ZNF891: variants seen among roughly 807,000 people sequenced by gnomAD.
The protein encoded by ZNF891 is hCG1646157.
For synonymous variants in ZNF891, 199 were observed against 209.0 expected, an observed-to-expected ratio of 0.95 and a Z score of 0.41; for missense variants, 589 against 632.7, an observed-to-expected ratio of 0.93 and a Z score of 0.74.
In ZNF891 at chr12:133,121,992, C is replaced by A. The variant is rs886406874; in HGVS notation, c.-74G>T. 1.9e-5 allele frequency: 27 copies of A among 1,419,266 alleles called. No individual in the cohort carries two copies. In the African/African-American group the frequency reaches 3.4e-4, roughly 18 times the overall value. 87.9% of individuals were successfully genotyped at this position (1,419,266 alleles called of 1,614,324 possible). A position where few individuals can be genotyped will look rare whatever the true frequency, so the allele number is the denominator to read the frequency against. Reference sequence around the variant, plus strand: ...TCTGTTCTTGTGTCTCCAATCCAGTCACAGGAGGGATGCATTTCACCCGAA... The same window carrying A: ...TCTGTTCTTGTGTCTCCAATCCAGTAACAGGAGGGATGCATTTCACCCGAA... On this transcript the variant is annotated 5_prime_UTR_variant, in exon 2 of 2. Coordinates refer to ENST00000537226, the MANE Select transcript of ZNF891 (RefSeq NM_001277291.2).
Position 133,119,619 on chromosome 12 carries a change from A to C in ZNF891, c.*665T>G, listed in dbSNP as rs564565027. The stretch of plus-strand genomic sequence containing the variant: ...CAAGTAGTGCAGGGCTGGTACAACT[A>C]TTTAAAGATTTCTTTGAGGAACAGG... On this transcript the variant is annotated 3_prime_UTR_variant, in exon 2 of 2. Transcript: ENST00000537226. 6.6e-6 allele frequency: 1 copy of C among 152,228 alleles called. No homozygotes were observed. The highest frequency in any genetic ancestry group is 1.5e-5 in the Non-Finnish European group (1 of 68,064). 9.4% of individuals were successfully genotyped at this position (152,228 alleles called of 1,614,324 possible).
rs769885918 is a variant in ZNF891 at position 133,106,431 on chromosome 12, AT to A, written c.*13852del. 6.2e-7 allele frequency: 1 copy of A among 1,613,986 alleles called. No individual in the cohort carries two copies. The highest frequency in any genetic ancestry group is 8.5e-7 in the Non-Finnish European group (1 of 1,180,026). ...AAGAGTCACACTGGAGAGAAACCCT[AT>A]GCGTGTGCTGAATGTGATAAAGCCT... On this transcript the variant is annotated 3_prime_UTR_variant, in exon 2 of 2. Coordinates refer to ENST00000537226, the MANE Select transcript of ZNF891 (RefSeq NM_001277291.2).
In ZNF891 at chr12:133,113,796, C is replaced by T. The variant is rs1593821772; in HGVS notation, c.*6488G>A. Reference sequence around the variant, plus strand: ...GGAGTGCAGTGGTGCACACAGCTCACTGCAGACTCAACCCCACTGCAGCTC... The same window carrying T: ...GGAGTGCAGTGGTGCACACAGCTCATTGCAGACTCAACCCCACTGCAGCTC... On this transcript the variant is annotated 3_prime_UTR_variant, in exon 2 of 2. Coordinates refer to ENST00000537226, the MANE Select transcript of ZNF891 (RefSeq NM_001277291.2). 1 of 152,304 alleles carries T rather than the reference C, an allele frequency of 6.6e-6. No individual in the cohort carries two copies. The highest frequency in any genetic ancestry group is 1.9e-4 in the East Asian group (1 of 5,178). 9.4% of individuals were successfully genotyped at this position (152,304 alleles called of 1,614,324 possible).
rs201489396 is a variant in ZNF891, at chr12:133,106,080, T to C, written c.*14204A>G. 45 of 1,614,036 alleles carry C rather than the reference T, an allele frequency of 2.8e-5. No homozygotes were observed. Among genetic ancestry groups the C allele is most frequent in the Non-Finnish European group, 3.6e-5 (43 of 1,179,988 alleles). On this transcript the variant is annotated 3_prime_UTR_variant, in exon 2 of 2. Coordinates refer to ENST00000537226, the MANE Select transcript of ZNF891 (RefSeq NM_001277291.2). ...CTCACTCGACATCAAAGAATTCACA[T>C]AGGAAAGAAACAATATATATGTAGG...
intron 1 of ZNF891, among the ~76,000 whole-genome samples, chr12:133,125,192 G>A (rs951927683): frequency 2.0e-5 from 3 of 151,988 alleles, no homozygotes; most frequent in Admixed American, 1.3e-4. Context: ...TTAGAGACAG[G>A]GTGTCACTAT....
Position 133,105,829 on chromosome 12 carries a change from T to C in ZNF891, c.*14455A>G. ...TGGTGTTACACCAGAGGACTCATACTGGAGAGAAACCATATGCATGTAAGG... is the reference window on the plus strand; with the variant it reads ...TGGTGTTACACCAGAGGACTCATACCGGAGAGAAACCATATGCATGTAAGG... On this transcript the variant is annotated 3_prime_UTR_variant, in exon 2 of 2. Coordinates refer to ENST00000537226, the MANE Select transcript of ZNF891 (RefSeq NM_001277291.2). 1.2e-6 allele frequency: 2 copies of C among 1,614,222 alleles called. No homozygotes were observed. Among genetic ancestry groups the C allele is most frequent in the South Asian group, 1.1e-5 (1 of 91,078 alleles).
In ZNF891 at chr12:133,121,514, G is replaced by C. The variant is rs1169730246; in HGVS notation, c.405C>G (p.Ser135=). Residue 135 remains serine (S), a synonymous_variant, in exon 2 of 2, where the codon TCC becomes TCG. Transcript: ENST00000537226. ...TVQKILWEEP[S]NAVKMIKLTM... is the part of the protein sequence containing the mutation. ...TGAGTTTTATCATTTTCACTGCATTGGATGGTTCCTCCCACAAAATTTTCT... is the reference window on the plus strand; with the variant it reads ...TGAGTTTTATCATTTTCACTGCATTCGATGGTTCCTCCCACAAAATTTTCT... 6.5e-7 allele frequency: 1 copy of C among 1,536,132 alleles called. No individual in the cohort carries two copies. The highest frequency in any genetic ancestry group is 2.0e-5 in the Admixed American group (1 of 50,968).
Position 133,120,099 on chromosome 12 carries a change from T to C in ZNF891, c.*185A>G. On this transcript the variant is annotated 3_prime_UTR_variant, in exon 2 of 2. Coordinates refer to ENST00000537226, the MANE Select transcript of ZNF891 (RefSeq NM_001277291.2). Reference sequence around the variant, plus strand: ...CTGAAAATATACCTACCTCACATATTAAAAATACCTAATTCTAAACAGCCA... The same window carrying C: ...CTGAAAATATACCTACCTCACATATCAAAAATACCTAATTCTAAACAGCCA... 1 of 486,642 alleles carries C rather than the reference T, an allele frequency of 2.1e-6. No individual in the cohort carries two copies. The highest frequency in any genetic ancestry group is 4.6e-5 in the South Asian group (1 of 21,946). 30.1% of individuals were successfully genotyped at this position (486,642 alleles called of 1,614,324 possible).
rs1566326784 is a variant in ZNF891, at chr12:133,106,319, C to CA, written c.*13964dup. On this transcript the variant is annotated 3_prime_UTR_variant, in exon 2 of 2. Coordinates refer to ENST00000537226, the MANE Select transcript of ZNF891 (RefSeq NM_001277291.2). Reference sequence around the variant, plus strand: ...TTGTCACTCATTCCTTATTAAACATCAGAGAATTCATGCTGGAGAAAAGCT... The same window carrying CA: ...TTGTCACTCATTCCTTATTAAACATCAAGAGAATTCATGCTGGAGAAAAGCT... The CA allele has an allele frequency of 6.2e-7, 1 of 1,614,158 alleles. No individual in the cohort carries two copies. Among genetic ancestry groups the CA allele is most frequent in the African/African-American group, 1.3e-5 (1 of 75,046 alleles).
chr12:133,106,045 T>G lies in ZNF891; in HGVS notation c.*14239A>C. The G allele has an allele frequency of 6.2e-7, 1 of 1,614,154 alleles. No individual in the cohort carries two copies. The highest frequency in any genetic ancestry group is 8.5e-7 in the Non-Finnish European group (1 of 1,180,026). ...CTGAGTGTGGAAAGGCCTTTAGCCG[T>G]GCCTCCAACCTCACTCGACATCAAA... On this transcript the variant is annotated 3_prime_UTR_variant, in exon 2 of 2. Coordinates refer to ENST00000537226, the MANE Select transcript of ZNF891 (RefSeq NM_001277291.2).
At chr12:133,122,100 A>G in intron 1 of ZNF891, 76 bp from the exon 2 acceptor site, 1 of 1,383,540 alleles carries the variant, frequency 7.2e-7, no homozygotes, top group East Asian at 2.6e-5. Flanking sequence ...GGTGAATACA[A>G]AATTGTAGAC....
In ZNF891 at chr12:133,120,714, T is replaced by G; in HGVS notation, c.1205A>C (p.Lys402Thr). The change falls in exon 2 of 2, where the codon AAA becomes ACA. Residue 402 changes from lysine (K) to threonine (T), a missense_variant. Lys to Thr is a moderately conservative substitution (Grantham distance 78). Transcript: ENST00000537226. ...KAHMRTHTGE[K>T]PYECNQCGKS... is the part of the protein sequence containing the mutation. ...TCCACACTGATTACATTCATAAGGT[T>G]TCTCTCCAGTGTGAGTTCTCATGTG... 1 of 1,566,242 alleles carries G rather than the reference T, an allele frequency of 6.4e-7. No homozygotes were observed. Among genetic ancestry groups the G allele is most frequent in the Non-Finnish European group, 8.6e-7 (1 of 1,156,236 alleles).
rs1295932025 is a variant in ZNF891 at position 133,120,326 on chromosome 12, A to G, written c.1593T>C (p.Leu531=). ...CAGTATGAATTCTCTTGTGTATAATAAGTGAAGAGCTCTGACTGAAGGCTT... is the reference window on the plus strand; with the variant it reads ...CAGTATGAATTCTCTTGTGTATAATGAGTGAAGAGCTCTGACTGAAGGCTT... ...CGKAFSQSSS[L]IIHKRIHTER... is the part of the protein sequence containing the mutation. Residue 531 remains leucine (L), a synonymous_variant, in exon 2 of 2, where the codon CTT becomes CTC. Transcript: ENST00000537226. 2 of 1,559,420 alleles carry G rather than the reference A, an allele frequency of 1.3e-6. No individual in the cohort carries two copies. The highest frequency in any genetic ancestry group is 1.7e-6 in the Non-Finnish European group (2 of 1,155,424).
intron 1 of ZNF891, chr12:133,125,963 G>T (rs1345913519): frequency 7.1e-6 from 3 of 424,886 alleles, no homozygotes; most frequent in African/African-American, 6.1e-5. Flanking sequence ...ACTGAGTCCA[G>T]CTGGCTAATT....
chr12:133,128,465 CT>C (rs1955839102), intron 1 of ZNF891, among the ~76,000 whole-genome samples: 1 of 152,066 alleles, frequency 6.6e-6, no homozygotes, highest in Non-Finnish European at 1.5e-5. Context: ...AACCCCGTCT[CT>C]ACTAAAAAAT....
rs1182135137 is a variant in ZNF891 at position 133,119,521 on chromosome 12, C to A, written c.*763G>T. 1.3e-5 allele frequency: 2 copies of A among 152,264 alleles called. No homozygotes were observed. The highest frequency in any genetic ancestry group is 4.8e-5 in the African/African-American group (2 of 41,434). 9.4% of individuals were successfully genotyped at this position (152,264 alleles called of 1,614,324 possible). A position where few individuals can be genotyped will look rare whatever the true frequency, so the allele number is the denominator to read the frequency against. On this transcript the variant is annotated 3_prime_UTR_variant, in exon 2 of 2. Coordinates refer to ENST00000537226, the MANE Select transcript of ZNF891 (RefSeq NM_001277291.2). ...TTGTGCCACTGCACTCCAGCCTGGG[C>A]AACATACCGAGACTCCATCTCAAAA...
chr12:133,122,609 G>A (rs1425060546), intron 1 of ZNF891, among the ~76,000 whole-genome samples: 2 of 152,198 alleles, frequency 1.3e-5, no homozygotes, highest in African/African-American at 4.8e-5. Context: ...GAGGGCAGCA[G>A]GGAGAGCATT....
At chr12:133,127,946 G>A (rs1446407452) in intron 1 of ZNF891, among the ~76,000 whole-genome samples, 1 of 152,122 alleles carries the variant, frequency 6.6e-6, no homozygotes, top group African/African-American at 2.4e-5. Context: ...CCTTGCACAA[G>A]AAAGAAACAT....
chr12:133,126,299 C>G (rs2137625859), intron 1 of ZNF891, among the ~76,000 whole-genome samples: 1 of 151,756 alleles, frequency 6.6e-6, no homozygotes, highest in South Asian at 2.1e-4. Context: ...ACTGTGAAAC[C>G]CCATCTCTAC....
Sources: allele counts gnomAD v4.1 joint callset (sites outside exome capture counted in the v4.1 genomes callset), GRCh38; gene constraint gnomAD v4.1.1; transcripts MANE v1.5; gene names NCBI Gene and HGNC (gene_info 2026-07-23, HGNC 2026-07-21).